The following DENND1A variants were observed in gnomAD, a reference collection of about 807,000 sequenced individuals.
DENND1A encodes DENN domain containing 1A.
Under a neutral mutation model 113.7 loss-of-function variants are expected in DENND1A, and 51 were observed. The ratio of observed to expected loss-of-function variants is 0.45; its 90% CI spans 0.36 to 0.57. The LOEUF is 0.57. DENND1A is among the 20% of genes least tolerant of loss of function. DENND1A has a pLI of 0.00. For synonymous variants in DENND1A, 565 were observed against 570.8 expected (o/e 0.99, Z 0.14); for missense variants, 1,258 against 1,395.9 (o/e 0.90, Z 1.57).
intron 21 of DENND1A, among the ~76,000 whole-genome samples, chr9:123,395,473 T>TGTGTGTGTGTGTGTGTGTGC (rs2043073161): frequency 6.7e-6 from 1 of 148,302 alleles, no homozygotes. Context: ...TCTCTCTGTG[T>TGTGTGTGTGTGTGTGTGTGC]GTGTGTGTGT....
intron 2 of DENND1A, among the ~76,000 whole-genome samples, chr9:123,813,643 A>G (rs1836997704): frequency 6.6e-6 from 1 of 152,220 alleles, no homozygotes; most frequent in Non-Finnish European, 1.5e-5. Flanking sequence ...CCGAAAAAAA[A>G]GATCTGCGTT....
At chr9:123,880,770 G>A (rs1588063505) in intron 1 of DENND1A, among the ~76,000 whole-genome samples, 1 of 152,076 alleles carries the variant, frequency 6.6e-6, no homozygotes, top group East Asian at 1.9e-4. Flanking sequence ...CATGCCTCCT[G>A]TTTATCAAAT....
chr9:123,460,918 T>G (rs2048474547), intron 13 of DENND1A, among the ~76,000 whole-genome samples: 1 of 152,254 alleles, frequency 6.6e-6, no homozygotes, highest in Non-Finnish European at 1.5e-5. Flanking sequence ...GAATGGTGTC[T>G]GTTTTGTTCA....
chr9:123,649,011 G>A (rs2062496776), intron 9 of DENND1A, among the ~76,000 whole-genome samples: 1 of 152,094 alleles, frequency 6.6e-6, no homozygotes, highest in Non-Finnish European at 1.5e-5. Context: ...CAGCTTTATA[G>A]AAAGTTTTGA....
chr9:123,582,432 C>T (rs896385696), intron 12 of DENND1A, among the ~76,000 whole-genome samples: 3 of 151,188 alleles, frequency 2.0e-5, no homozygotes, highest in South Asian at 4.2e-4. Context: ...TGGAGTCTTG[C>T]TCTGTCGCCC....
chr9:123,777,688 C>T (rs1190654628), intron 3 of DENND1A, among the ~76,000 whole-genome samples: 1 of 152,186 alleles, frequency 6.6e-6, no homozygotes, highest in Non-Finnish European at 1.5e-5. Flanking sequence ...ACCTAACCTT[C>T]TGCTTATTAG....
At chr9:123,621,407 G>A (rs1043127308) in intron 10 of DENND1A, among the ~76,000 whole-genome samples, 43 of 152,058 alleles carry the variant, frequency 2.8e-4, no homozygotes, top group Admixed American at 2.8e-3. Flanking sequence ...GGCTGGTCTT[G>A]AACTCTTGGC....
At chr9:123,666,904 TTTTTTAAAAACCATAA>T (rs1410840541) in intron 8 of DENND1A, 106 bp downstream of exon 8, 30 of 1,004,328 alleles carry the variant, frequency 3.0e-5, no homozygotes, top group Non-Finnish European at 4.1e-5. Flanking sequence ...TTATAATGTG[TTTTTTAAAAACCATAA>T]TTTTTATAAT....
chr9:123,733,619 C>CA (rs756095469), intron 5 of DENND1A, among the ~76,000 whole-genome samples: 80 of 151,726 alleles, frequency 5.3e-4, no homozygotes, highest in Non-Finnish European at 6.9e-4. Context: ...TAAGAACTTC[C>CA]TTTTTTTATT....
intron 5 of DENND1A, among the ~76,000 whole-genome samples, chr9:123,740,708 T>C (rs1220319073): frequency 6.6e-6 from 1 of 152,174 alleles, no homozygotes; most frequent in African/African-American, 2.4e-5. Flanking sequence ...CTTTTACAGA[T>C]GTGGGAAACA....
chr9:123,849,390 T>C (rs926861630), intron 2 of DENND1A, among the ~76,000 whole-genome samples: 3 of 152,230 alleles, frequency 2.0e-5, no homozygotes, highest in Non-Finnish European at 4.4e-5. Flanking sequence ...TTATAGCATG[T>C]ATTACTATTT....
chr9:123,792,652 T>C lies in DENND1A; in HGVS notation c.89-22A>G, dbSNP rs544772643. On this transcript the variant is annotated intron_variant, in intron 2 of 23. Transcript: ENST00000394215. ...GGATCTGTAAATAATTGACAGATAA[T>C]ATTAATTGGCTTTGGATTAGTGAGC... is the stretch of plus-strand genomic sequence containing the variant. 12 of 1,612,688 alleles carry C rather than the reference T, an allele frequency of 7.4e-6. No individual in the cohort carries two copies. The South Asian group carries it at 9.9e-5, about 13-fold the overall frequency.
chr9:123,738,034 T>C (rs949200360), intron 5 of DENND1A, among the ~76,000 whole-genome samples: 2 of 152,144 alleles, frequency 1.3e-5, no homozygotes, highest in Non-Finnish European at 1.5e-5. Flanking sequence ...AGTAAGAAAT[T>C]GAAATAAGAG....
intron 5 of DENND1A, among the ~76,000 whole-genome samples, chr9:123,739,475 T>C (rs1265366083): frequency 6.6e-6 from 1 of 152,176 alleles, no homozygotes; most frequent in African/African-American, 2.4e-5. Context: ...GAAAGTCAGA[T>C]TTTAGAGCAC....
intron 5 of DENND1A, among the ~76,000 whole-genome samples, chr9:123,713,933 T>C (rs2066803977): frequency 6.6e-6 from 1 of 152,060 alleles, no homozygotes; most frequent in Admixed American, 6.6e-5. Context: ...CCTTTACATA[T>C]GGAGAGAAGA....
rs561465553 is a variant in DENND1A at position 123,459,077 on chromosome 9, G to A, written c.994-1180C>T. 5.9e-5 allele frequency among the ~76,000 whole-genome samples: 9 copies of A among 152,334 alleles called. No homozygotes were observed. In the East Asian group the frequency reaches 1.7e-3, roughly 29 times the overall value. On this transcript the variant is annotated intron_variant, in intron 13 of 23. Coordinates refer to ENST00000394215, the MANE Select transcript of DENND1A (RefSeq NM_001352964.2). Reference sequence around the variant, plus strand: ...GCCCAGCTACTTGGGAGGCTGAGGAGAGAATTGCTTGAACCTGGGAGGCAG... The same window carrying A: ...GCCCAGCTACTTGGGAGGCTGAGGAAAGAATTGCTTGAACCTGGGAGGCAG...
At chr9:123,429,111 G>A (rs1475432237) in intron 19 of DENND1A, among the ~76,000 whole-genome samples, 1 of 152,214 alleles carries the variant, frequency 6.6e-6, no homozygotes, top group Non-Finnish European at 1.5e-5. Flanking sequence ...GACAAAGCTG[G>A]AGGCATCATG....
At chr9:123,835,406 T>A (rs1840903866) in intron 2 of DENND1A, among the ~76,000 whole-genome samples, 1 of 152,062 alleles carries the variant, frequency 6.6e-6, no homozygotes, top group Admixed American at 6.6e-5. Flanking sequence ...AAAAGGCGGC[T>A]TTCAACAATA....
At chr9:123,648,826 G>T (rs78768696) in intron 9 of DENND1A, among the ~76,000 whole-genome samples, 2 of 151,946 alleles carry the variant, frequency 1.3e-5, no homozygotes, top group African/African-American at 4.8e-5. Context: ...CAATAGAAAC[G>T]GTCTTCCTTT....
Sources: allele counts gnomAD v4.1 joint callset (sites outside exome capture counted in the v4.1 genomes callset), GRCh38; gene constraint gnomAD v4.1.1; transcripts MANE v1.5; gene names NCBI Gene and HGNC (gene_info 2026-07-23, HGNC 2026-07-21).